Variants in ZFP62 observed in about 807,000 individuals in gnomAD.
ZFP62 encodes zinc finger protein 62 homolog.
A neutral mutation model predicts 56.4 loss-of-function variants in ZFP62; 44 were observed. The observed-to-expected ratio is 0.78, with a 90% CI of 0.61 to 1.00. The LOEUF (loss-of-function observed/expected upper bound fraction) is 1.00, where lower values mean the gene tolerates loss of function less well. ZFP62 is among the 50% of genes least tolerant of loss of function. The probability of loss-of-function intolerance (pLI) is 0.00; values close to 1 mark genes in which losing one functional copy is unlikely to be tolerated. For missense variants in ZFP62, 1,030 were observed against 1,085.7 expected, an observed-to-expected ratio of 0.95 and a Z score of 0.72; for synonymous variants, 421 against 388.9, an observed-to-expected ratio of 1.08 and a Z score of -0.97.
the ZFP62 span, chr5:180,835,569 GATA>G: frequency 6.6e-6 from 1 of 152,172 alleles, no homozygotes; most frequent in South Asian, 2.1e-4. Context: ...TATCAATGTG[GATA>G]ATAATTTCTT....
At chr5:180,845,322 G>A (rs956159640), downstream of ZFP62, among the ~76,000 whole-genome samples, 13 of 71,536 alleles carry the variant, frequency 1.8e-4, no homozygotes, top group Admixed American at 5.1e-4. Flanking sequence ...GAACGAGACC[G>A]TCTTAAAAAA....
chr5:180,850,471 ACT>A lies in ZFP62; in HGVS notation c.1022_1023del (p.Glu341ValfsTer2). 1 of 1,552,386 alleles carries A rather than the reference ACT, an allele frequency of 6.4e-7. No homozygotes were observed. The highest frequency in any genetic ancestry group is 8.7e-7 in the Non-Finnish European group (1 of 1,147,434). On this transcript the variant is annotated frameshift_variant, in exon 2 of 2. Coordinates refer to ENST00000502412, the MANE Select transcript of ZFP62 (RefSeq NM_001172638.2). LOFTEE classifies it high-confidence loss of function. ...GAGCTATAATTAAAAGATTTCTCAC[ACT>A]CATCACATTTATAGGGTTTATCTCC... ...HFGDKPYKCD[E>X]CEKSFNYSSL...
intron 1 of ZFP62, among the ~76,000 whole-genome samples, chr5:180,857,350 A>C (rs1291469068): frequency 1.3e-5 from 2 of 152,138 alleles, no homozygotes; most frequent in Non-Finnish European, 2.9e-5. Context: ...TTCCTTTAAA[A>C]GTGTAAAAAT....
chr5:180,828,552 A>C, the ZFP62 span, among the ~76,000 whole-genome samples: 1 of 152,200 alleles, frequency 6.6e-6, no homozygotes, highest in African/African-American at 2.4e-5. Context: ...TGCTTTTATA[A>C]TTTCTTATGC....
Position 180,847,783 on chromosome 5 carries a change from C to A in ZFP62, c.*1009G>T. The A allele has an allele frequency of 3.0e-6, 3 of 985,422 alleles. No homozygotes were observed. The highest frequency in any genetic ancestry group is 3.6e-6 in the Non-Finnish European group (3 of 829,928). The allele number at this position is 985,422 out of a possible 1,614,324, so 61.0% of individuals were successfully genotyped here. On this transcript the variant is annotated 3_prime_UTR_variant, in exon 2 of 2. Coordinates refer to ENST00000502412, the MANE Select transcript of ZFP62 (RefSeq NM_001172638.2). ...TACAATAACACATTCCAAAAACAAT[C>A]AAACATTTAACAGGATTATTAAGAA...
chr5:180,827,135 CCTCTGTTT>C, the ZFP62 span, among the ~76,000 whole-genome samples: 1 of 152,188 alleles, frequency 6.6e-6, no homozygotes, highest in Admixed American at 6.5e-5. Flanking sequence ...ACAAGACAAG[CCTCTGTTT>C]CTCTTTCGGG....
At chr5:180,843,126 T>G (rs1347316966), downstream of ZFP62, among the ~76,000 whole-genome samples, 1 of 150,798 alleles carries the variant, frequency 6.6e-6, no homozygotes, top group Non-Finnish European at 1.5e-5. Context: ...TATTTTAATA[T>G]ATATGTACAT....
chr5:180,859,170 C>A (rs1466812573), intron 1 of ZFP62, among the ~76,000 whole-genome samples: 4 of 152,176 alleles, frequency 2.6e-5, no homozygotes, highest in Non-Finnish European at 5.9e-5. Flanking sequence ...GCAACTAGCC[C>A]GGAACGACTT....
At chr5:180,856,223 G>A (rs532307833) in intron 1 of ZFP62, among the ~76,000 whole-genome samples, 1 of 152,138 alleles carries the variant, frequency 6.6e-6, no homozygotes, top group African/African-American at 2.4e-5. Context: ...ATGATGTCCC[G>A]TCACCTGATG....
In ZFP62 at chr5:180,858,584, G is replaced by A. The variant is rs545273376; in HGVS notation, c.1+2635C>T. On this transcript the variant is annotated intron_variant, in intron 1 of 1. Coordinates refer to ENST00000502412, the MANE Select transcript of ZFP62 (RefSeq NM_001172638.2). ...GATAGCGCCATTGCACTCCAGCCTC[G>A]GTGACAGAGCGAGACTCTGTCTCAA... 5.9e-5 allele frequency among the ~76,000 whole-genome samples: 9 copies of A among 152,206 alleles called. No individual in the cohort carries two copies. In the South Asian group the frequency reaches 1.7e-3, roughly 28 times the overall value.
At chr5:180,856,377 C>T (rs1223593795) in intron 1 of ZFP62, among the ~76,000 whole-genome samples, 2 of 152,170 alleles carry the variant, frequency 1.3e-5, no homozygotes, top group Admixed American at 6.5e-5. Flanking sequence ...AGCACCAAGA[C>T]AGCACTAGAG....
chr5:180,843,079 A>G (rs1010470268), downstream of ZFP62, among the ~76,000 whole-genome samples: 2 of 150,828 alleles, frequency 1.3e-5, no homozygotes, highest in African/African-American at 4.8e-5. Flanking sequence ...AAAAAAAAAG[A>G]AAAGTAATTA....
chr5:180,848,818 C>A lies in ZFP62; in HGVS notation c.2677G>T (p.Gly893Trp), dbSNP rs1471851507. The A allele has an allele frequency of 6.5e-7, 1 of 1,539,382 alleles. No homozygotes were observed. Among genetic ancestry groups the A allele is most frequent in the South Asian group, 1.2e-5 (1 of 83,394 alleles). ...TACAGAGGCATCCTCATCCTGCCCC[C>A]ATCCAGGGCATTCCCTCCCTCATAG... ...RTYEGGNALD[G>W]GRMRMPL Residue 893 changes from glycine to tryptophan, a missense_variant, in exon 2 of 2, where the codon GGG becomes TGG. Coordinates refer to ENST00000502412, the MANE Select transcript of ZFP62 (RefSeq NM_001172638.2).
chr5:180,857,033 C>T (rs1165883096), intron 1 of ZFP62, among the ~76,000 whole-genome samples: 1 of 148,876 alleles, frequency 6.7e-6, no homozygotes, highest in Non-Finnish European at 1.5e-5. Flanking sequence ...GGAATAGCTT[C>T]AGGAAGAGAA....
chr5:180,857,414 C>T (rs1774046172), intron 1 of ZFP62, among the ~76,000 whole-genome samples: 1 of 152,130 alleles, frequency 6.6e-6, no homozygotes, highest in Non-Finnish European at 1.5e-5. Flanking sequence ...GCAGTGTGCC[C>T]ACCTCTGTTA....
chr5:180,850,569 T>A lies in ZFP62; in HGVS notation c.926A>T (p.Tyr309Phe). 6.4e-7 allele frequency: 1 copy of A among 1,558,760 alleles called. No individual in the cohort carries two copies. ...HKRIHTGEKP[Y>F]ECDECGKAFI... ...GGCCTTCCCACACTCATCACATTCG[T>A]AAGGTTTCTCACCTGTGTGGATCCT... is the stretch of plus-strand genomic sequence containing the variant. Residue 309 changes from tyrosine to phenylalanine, a missense_variant, in exon 2 of 2, where the codon TAC (tyrosine) becomes TTC (phenylalanine). By Grantham distance (22) the Tyr-to-Phe change is conservative (BLOSUM62 3). Transcript: ENST00000502412.
chr5:180,845,454 A>G (rs1462103015), downstream of ZFP62, among the ~76,000 whole-genome samples: 1 of 150,202 alleles, frequency 6.7e-6, no homozygotes, highest in Non-Finnish European at 1.5e-5. Flanking sequence ...CCTTGTGGAG[A>G]CCATGTCCTC....
the ZFP62 span, chr5:180,835,638 T>C: frequency 6.6e-6 from 1 of 152,338 alleles, no homozygotes; most frequent in African/African-American, 2.4e-5. Flanking sequence ...ACCGAGCACA[T>C]GCAAACCATC....
the ZFP62 span, among the ~76,000 whole-genome samples, chr5:180,829,558 C>T: frequency 6.6e-6 from 1 of 152,150 alleles, no homozygotes; most frequent in Non-Finnish European, 1.5e-5. Context: ...ATAGAAAGAA[C>T]CTATGTTGAA....
Sources: gnomAD v4.1 joint callset for allele counts (sites outside exome capture counted in the v4.1 genomes callset) on GRCh38, gnomAD v4.1.1 for gene constraint, MANE v1.5 for transcripts, NCBI Gene and HGNC (gene_info 2026-07-23, HGNC 2026-07-21) for gene names.